CNTN4: variants seen among roughly 807,000 people sequenced by gnomAD.
CNTN4 encodes the protein contactin 4.
CNTN4 carries 77 observed loss-of-function variants against 122.5 expected under a neutral mutation model. The ratio of observed to expected loss-of-function variants is 0.63; its 90% CI spans 0.52 to 0.76. The LOEUF is 0.76. Among genes scored for constraint, CNTN4 ranks in the 30% least tolerant of loss-of-function variants. The probability of loss-of-function intolerance (pLI) is 0.00; values close to 1 mark genes in which losing one functional copy is unlikely to be tolerated. For missense variants in CNTN4, 1,256 were observed against 1,259.1 expected (o/e 1.00, Z 0.04); for synonymous variants, 512 against 447.0 (o/e 1.15, Z -1.83).
intron 15 of CNTN4, among the ~76,000 whole-genome samples, chr3:3,026,976 C>G (rs914633219): frequency 3.3e-5 from 5 of 152,110 alleles, no homozygotes; most frequent in Non-Finnish European, 7.3e-5. Context: ...AAGATGGACT[C>G]CGGCTGCCAT....
chr3:2,223,340 A>T (rs2039137341), intron 2 of CNTN4, among the ~76,000 whole-genome samples: 1 of 152,076 alleles, frequency 6.6e-6, no homozygotes, highest in South Asian at 2.1e-4. Context: ...CTTCCTAGGC[A>T]TCCCTCCATA....
intron 6 of CNTN4, among the ~76,000 whole-genome samples, chr3:2,764,773 G>A (rs2090765881): frequency 6.6e-6 from 1 of 152,106 alleles, no homozygotes; most frequent in African/African-American, 2.4e-5. Flanking sequence ...CTTCTCACTT[G>A]CTTTGCATGT....
chr3:2,894,314 C>T (rs959261249), intron 10 of CNTN4, among the ~76,000 whole-genome samples: 54 of 152,286 alleles, frequency 3.5e-4, no homozygotes, highest in African/African-American at 1.1e-3. Context: ...TCTTAGATTG[C>T]ACTTTAAGAA....
At chr3:2,659,874 T>C (rs2083792228) in intron 4 of CNTN4, among the ~76,000 whole-genome samples, 1 of 152,220 alleles carries the variant, frequency 6.6e-6, no homozygotes, top group Non-Finnish European at 1.5e-5. Flanking sequence ...CATGTAAATT[T>C]CTTAAAACAT....
intron 14 of CNTN4, among the ~76,000 whole-genome samples, chr3:2,991,211 C>T (rs576662337): frequency 6.6e-6 from 1 of 152,160 alleles, no homozygotes; most frequent in East Asian, 1.9e-4. Context: ...ACTGAAATTT[C>T]CTAATAGGTG....
intron 3 of CNTN4, among the ~76,000 whole-genome samples, chr3:2,366,199 G>A (rs2045369896): frequency 6.6e-6 from 1 of 152,078 alleles, no homozygotes; most frequent in Non-Finnish European, 1.5e-5. Flanking sequence ...GGTTATTTCA[G>A]TTTCCAAAAA....
chr3:2,815,448 T>C (rs2092704338), intron 6 of CNTN4, among the ~76,000 whole-genome samples: 1 of 152,162 alleles, frequency 6.6e-6, no homozygotes, highest in Non-Finnish European at 1.5e-5. Context: ...AATAGACAGT[T>C]CTCAAAAGAG....
chr3:2,578,764 GCTCTACGCTCTCT>G, intron 4 of CNTN4, among the ~76,000 whole-genome samples: 1 of 152,166 alleles, frequency 6.6e-6, no homozygotes, highest in African/African-American at 2.4e-5. Context: ...TTTCCTGTTT[GCTCTACGCTCTCT>G]CATAACTATG....
chr3:3,052,324 C>T (rs551069655), intron 23 of CNTN4, among the ~76,000 whole-genome samples: 28 of 152,238 alleles, frequency 1.8e-4, no homozygotes, highest in African/African-American at 5.8e-4. Flanking sequence ...TCTCTCTATC[C>T]ACTACAACAG....
At chr3:2,133,719 G>A (rs1048443007) in intron 2 of CNTN4, among the ~76,000 whole-genome samples, 6 of 152,072 alleles carry the variant, frequency 3.9e-5, no homozygotes, top group African/African-American at 9.7e-5. Flanking sequence ...CTAACATAGC[G>A]AAATAAATAT....
chr3:2,982,822 G>A (rs1007295731), intron 13 of CNTN4, among the ~76,000 whole-genome samples: 1 of 152,004 alleles, frequency 6.6e-6, no homozygotes, highest in Non-Finnish European at 1.5e-5. Context: ...GTTATTGTAT[G>A]GAACACATTG....
chr3:2,675,605 T>C (rs1246313775), intron 4 of CNTN4, among the ~76,000 whole-genome samples: 1 of 152,216 alleles, frequency 6.6e-6, no homozygotes, highest in Non-Finnish European at 1.5e-5. Context: ...TGGGCCACTG[T>C]GTGTCCAGCT....
intron 3 of CNTN4, among the ~76,000 whole-genome samples, chr3:2,416,033 G>T (rs1434761081): frequency 6.6e-6 from 1 of 151,954 alleles, no homozygotes; most frequent in East Asian, 1.9e-4. Flanking sequence ...ATAAGCATTT[G>T]GTTACATGTT....
intron 16 of CNTN4, 108 bp downstream of exon 16, chr3:3,031,083 C>A: frequency 7.0e-7 from 1 of 1,422,584 alleles, no homozygotes; most frequent in Non-Finnish European, 9.9e-7. Context: ...AAAAGTCAGG[C>A]AGAAGCTGAA....
chr3:2,608,181 G>T (rs1229913804), intron 4 of CNTN4, among the ~76,000 whole-genome samples: 1 of 152,328 alleles, frequency 6.6e-6, no homozygotes, highest in South Asian at 2.1e-4. Flanking sequence ...TGATACAGTT[G>T]TTAAATCCAC....
Position 2,860,712 on chromosome 3 carries a change from T to A in CNTN4, c.455-6040T>A, listed in dbSNP as rs115931581. ...CTGGATGACAGCTCACATATGACTT[T>A]ATATTTATCATTCTGTGTCTTAGTA... On this transcript the variant is annotated intron_variant, in intron 7 of 24. Coordinates refer to ENST00000418658, the MANE Select transcript of CNTN4 (RefSeq NM_175607.3). Among the ~76,000 whole-genome samples the A allele has an allele frequency of 6.1e-3, 935 of 152,086 alleles. 10 individuals carry two copies. The highest frequency in any genetic ancestry group is 0.022 in the African/African-American group (900 of 41,468).
rs188952328 is a variant in CNTN4, at chr3:2,763,728, T to C, written c.358+18031T>C. Among the ~76,000 whole-genome samples, 10 of 152,356 alleles carry C rather than the reference T, an allele frequency of 6.6e-5. No homozygotes were observed. The East Asian group carries it at 1.7e-3, about 26-fold the overall frequency. On this transcript the variant is annotated intron_variant, in intron 6 of 24. Coordinates refer to ENST00000418658, the MANE Select transcript of CNTN4 (RefSeq NM_175607.3). ...TAGCCAGTTATCCCGGCACCATTTA[T>C]TGAATAAGGAATCCTTTCCCCGTTG...
At chr3:2,353,008 C>T (rs536778404) in intron 3 of CNTN4, among the ~76,000 whole-genome samples, 28 of 152,180 alleles carry the variant, frequency 1.8e-4, no homozygotes, top group Admixed American at 1.6e-3. Flanking sequence ...TGTGAATGCA[C>T]CAATCAGCAC....
At chr3:3,054,147 A>T (rs1306470990) in intron 24 of CNTN4, among the ~76,000 whole-genome samples, 172 bp downstream of exon 24, 5 of 152,210 alleles carry the variant, frequency 3.3e-5, no homozygotes, top group Admixed American at 6.5e-5. Context: ...TTCATGCAAA[A>T]ATCAGTTTGC....
Sources: gnomAD v4.1 joint callset for allele counts (sites outside exome capture counted in the v4.1 genomes callset) on GRCh38, gnomAD v4.1.1 for gene constraint, MANE v1.5 for transcripts, NCBI Gene and HGNC (gene_info 2026-07-23, HGNC 2026-07-21) for gene names.